CDH6: variants seen among roughly 807,000 people sequenced by gnomAD.
CDH6 encodes cadherin-6.
Under a neutral mutation model 78.0 loss-of-function variants are expected in CDH6, and 31 were observed. The ratio of observed to expected loss-of-function variants is 0.40; its 90% confidence interval spans 0.30 to 0.54. The LOEUF (loss-of-function observed/expected upper bound fraction) is 0.54, where lower values mean the gene tolerates loss of function less well. CDH6 is among the 20% of genes least tolerant of loss of function. CDH6 has a pLI of 0.56. For synonymous variants in CDH6, 376 were observed against 368.8 expected, an observed-to-expected ratio of 1.02 and a Z score of -0.23; for missense variants, 724 against 975.9, an observed-to-expected ratio of 0.74 and a Z score of 3.44.
intron 7 of CDH6, among the ~76,000 whole-genome samples, chr5:31,312,606 G>A (rs781406014): frequency 5.0e-4 from 76 of 152,250 alleles, no homozygotes; most frequent in African/African-American, 1.5e-3. Context: ...TGGGAGGATC[G>A]CTCAAGCCTG....
chr5:31,282,841 C>T (rs868775157), intron 2 of CDH6, among the ~76,000 whole-genome samples: 4 of 152,272 alleles, frequency 2.6e-5, no homozygotes, highest in Middle Eastern at 6.8e-3. Context: ...CTCCACATGA[C>T]ACAAGGTCTA....
intron 1 of CDH6, among the ~76,000 whole-genome samples, chr5:31,214,290 T>A (rs532202880): frequency 5.3e-5 from 8 of 152,304 alleles, no homozygotes; most frequent in Admixed American, 3.3e-4. Context: ...CTGCAGGCCA[T>A]TTTTCTACAT....
chr5:31,196,001 C>T (rs548839278), intron 1 of CDH6, among the ~76,000 whole-genome samples: 21 of 152,306 alleles, frequency 1.4e-4, no homozygotes, highest in African/African-American at 5.1e-4. Flanking sequence ...TTTGGTATCT[C>T]CATAGGGACT....
chr5:31,274,468 A>C (rs1033176973), intron 2 of CDH6, among the ~76,000 whole-genome samples: 2 of 152,186 alleles, frequency 1.3e-5, no homozygotes, highest in African/African-American at 4.8e-5. Flanking sequence ...TCCGGCTTCC[A>C]TTTCATCATG....
intron 1 of CDH6, among the ~76,000 whole-genome samples, chr5:31,241,885 A>G (rs994010073): frequency 3.9e-5 from 6 of 152,350 alleles, no homozygotes; most frequent in Non-Finnish European, 5.9e-5. Context: ...ATTGCAGTCT[A>G]TGCCATAGAG....
chr5:31,210,336 T>G (rs1334580353), intron 1 of CDH6, among the ~76,000 whole-genome samples: 2 of 152,056 alleles, frequency 1.3e-5, no homozygotes, highest in Non-Finnish European at 2.9e-5. Context: ...GAAACCCATC[T>G]CTACTAAAAA....
At chr5:31,233,933 C>T (rs951322707) in intron 1 of CDH6, among the ~76,000 whole-genome samples, 2 of 152,158 alleles carry the variant, frequency 1.3e-5, no homozygotes, top group Non-Finnish European at 2.9e-5. Flanking sequence ...TTCCATGAGG[C>T]AGGACATGTT....
At chr5:31,249,158 T>C (rs1741838228) in intron 1 of CDH6, 1 of 152,170 alleles carries the variant, frequency 6.6e-6, no homozygotes, top group Non-Finnish European at 1.5e-5. Context: ...TTAAATAAAT[T>C]TGGGGAAAAA....
chr5:31,208,238 A>G (rs1740592740), intron 1 of CDH6, among the ~76,000 whole-genome samples: 1 of 152,216 alleles, frequency 6.6e-6, no homozygotes, highest in Admixed American at 6.5e-5. Context: ...GAGGGGCTTT[A>G]TGCCCTGAGC....
intron 1 of CDH6, among the ~76,000 whole-genome samples, chr5:31,220,262 C>G (rs1008922002): frequency 6.6e-6 from 1 of 152,146 alleles, no homozygotes; most frequent in East Asian, 1.9e-4. Flanking sequence ...TTGCCAAAAT[C>G]AAAGCAAAAT....
chr5:31,270,676 C>T (rs1239970386), intron 2 of CDH6, among the ~76,000 whole-genome samples: 3 of 151,968 alleles, frequency 2.0e-5, no homozygotes, highest in East Asian at 3.8e-4. Flanking sequence ...CCTCCTTTTC[C>T]TTCCTTTTTT....
intron 1 of CDH6, among the ~76,000 whole-genome samples, chr5:31,265,867 T>G (rs1345532385): frequency 1.4e-5 from 2 of 140,900 alleles, no homozygotes; most frequent in African/African-American, 5.2e-5. Context: ...CTCCGTCTCC[T>G]GGGTTCACGC....
chr5:31,276,026 G>T (rs1313542513), intron 2 of CDH6, among the ~76,000 whole-genome samples: 2 of 152,208 alleles, frequency 1.3e-5, no homozygotes, highest in African/African-American at 4.8e-5. Flanking sequence ...CCTCGAGGGG[G>T]CAACTCTGTG....
intron 5 of CDH6, among the ~76,000 whole-genome samples, chr5:31,299,962 A>T (rs1270349813): frequency 6.6e-6 from 1 of 152,252 alleles, no homozygotes; most frequent in Non-Finnish European, 1.5e-5. Context: ...GTTGGAAAAA[A>T]TTTGACTTTA....
intron 2 of CDH6, among the ~76,000 whole-genome samples, chr5:31,292,403 A>G (rs1408087681): frequency 6.6e-6 from 1 of 152,214 alleles, no homozygotes; most frequent in African/African-American, 2.4e-5. Context: ...AAATGATATT[A>G]CATGGAATAC....
chr5:31,277,481 A>G (rs940774359), intron 2 of CDH6, among the ~76,000 whole-genome samples: 2 of 152,184 alleles, frequency 1.3e-5, no homozygotes, highest in African/African-American at 4.8e-5. Context: ...ATATAATTGA[A>G]CCAAAGTTTT....
intron 1 of CDH6, among the ~76,000 whole-genome samples, chr5:31,213,459 G>A (rs1056880425): frequency 1.3e-5 from 2 of 152,188 alleles, no homozygotes; most frequent in South Asian, 2.1e-4. Flanking sequence ...GCTCTAGAGC[G>A]TGGGTGAGGG....
At position 31,313,393 on chromosome 5, in the gene CDH6, G is replaced by A. The variant is rs142200699; in HGVS notation, c.1329G>A (p.Ser443=). 2.6e-5 allele frequency: 42 copies of A among 1,613,872 alleles called. No homozygotes were observed. Among genetic ancestry groups the A allele is most frequent in the Admixed American group, 8.3e-5 (5 of 60,016 alleles). ...CTGGAAATGGTTCGATTTTTACATC[G>A]AAACTTCTTGACCGAGAAACACTGC... ...IDSGNGSIFT[S]KLLDRETLLW... Residue 443 remains serine, a synonymous_variant, in exon 8 of 12, where the codon TCG becomes TCA. Coordinates refer to ENST00000265071, the MANE Select transcript of CDH6 (RefSeq NM_004932.4).
intron 1 of CDH6, among the ~76,000 whole-genome samples, chr5:31,202,305 G>A (rs111909096): frequency 6.6e-6 from 1 of 152,108 alleles, no homozygotes; most frequent in Non-Finnish European, 1.5e-5. Context: ...AATTAAAAAA[G>A]AAAGAGAGTC....
Sources: gnomAD v4.1 joint callset for allele counts (sites outside exome capture counted in the v4.1 genomes callset) on GRCh38, gnomAD v4.1.1 for gene constraint, MANE v1.5 for transcripts, NCBI Gene and HGNC (gene_info 2026-07-23, HGNC 2026-07-21) for gene names.